The following CDH8 variants were observed in gnomAD, a reference collection of about 807,000 sequenced individuals.
CDH8 encodes cadherin 8.
CDH8 carries 17 observed loss-of-function variants against 68.1 expected under a neutral mutation model. That is an observed-to-expected ratio of 0.25 (90% CI 0.17 to 0.37). The LOEUF (loss-of-function observed/expected upper bound fraction) is 0.37. Ranked by LOEUF, CDH8 falls within the 10% of genes least tolerant of loss-of-function variation. CDH8 has a pLI of 1.00. For missense variants in CDH8, 763 were observed against 999.3 expected, an observed-to-expected ratio of 0.76 and a Z score of 3.19; for synonymous variants, 372 against 365.1, an observed-to-expected ratio of 1.02 and a Z score of -0.21.
chr16:61,992,075 T>TGTGTGTGTGTGTGTGA (rs1194559572), intron 2 of CDH8, among the ~76,000 whole-genome samples: 1 of 127,868 alleles, frequency 7.8e-6, no homozygotes, highest in Non-Finnish European at 1.7e-5. Context: ...TGTGTGTGTG[T>TGTGTGTGTGTGTGTGA]GTGAGAGAGA....
At chr16:61,740,750 C>A (rs553805841) in intron 8 of CDH8, among the ~76,000 whole-genome samples, 1 of 152,150 alleles carries the variant, frequency 6.6e-6, no homozygotes, top group African/African-American at 2.4e-5. Flanking sequence ...GGAAAGAATT[C>A]CATTGTATGA....
chr16:62,028,447 G>T (rs1902247591), intron 1 of CDH8, among the ~76,000 whole-genome samples: 1 of 151,822 alleles, frequency 6.6e-6, no homozygotes. Flanking sequence ...TTCTATAATT[G>T]CTGGTTTCCT....
At chr16:61,751,917 T>C (rs1479033258) in intron 8 of CDH8, among the ~76,000 whole-genome samples, 1 of 152,156 alleles carries the variant, frequency 6.6e-6, no homozygotes, top group African/African-American at 2.4e-5. Flanking sequence ...AATTTATTCC[T>C]GGATTACCTA....
intron 8 of CDH8, among the ~76,000 whole-genome samples, chr16:61,783,866 C>G (rs1961157107): frequency 6.6e-6 from 1 of 152,144 alleles, no homozygotes; most frequent in Non-Finnish European, 1.5e-5. Flanking sequence ...AAATAAAATA[C>G]TTTACAGACA....
At chr16:61,677,038 T>C (rs1017123492) in intron 10 of CDH8, among the ~76,000 whole-genome samples, 2 of 152,006 alleles carry the variant, frequency 1.3e-5, no homozygotes, top group Admixed American at 1.3e-4. Context: ...AGATGGCTTT[T>C]TATAAACCTT....
intron 7 of CDH8, among the ~76,000 whole-genome samples, chr16:61,811,701 T>C (rs1486734655): frequency 2.0e-5 from 3 of 152,210 alleles, no homozygotes; most frequent in Non-Finnish European, 4.4e-5. Flanking sequence ...TGAAACACTA[T>C]TCAATGTGTT....
rs1344378160 is a variant in CDH8, at chr16:61,960,076, T to C, written c.253-58603A>G. Among the ~76,000 whole-genome samples, 10 of 132,650 alleles carry C rather than the reference T, an allele frequency of 7.5e-5. 2 individuals carry two copies. The highest frequency in any genetic ancestry group is 1.4e-4 in the African/African-American group (5 of 35,216). 87.0% of individuals were successfully genotyped at this position (132,650 alleles called of 152,430 possible). On this transcript the variant is annotated intron_variant, in intron 2 of 11. Transcript: ENST00000577390. ...GTATGTGTGTGTGTATACACATACA[T>C]ATATACATATATGTGTGTGTGTATA...
intron 3 of CDH8, among the ~76,000 whole-genome samples, chr16:61,865,020 C>T (rs1463553161): frequency 3.3e-5 from 5 of 152,144 alleles, no homozygotes; most frequent in Non-Finnish European, 7.3e-5. Context: ...GATTAGTTCC[C>T]TATCTTTCTT....
At chr16:61,909,489 C>T (rs1039068541) in intron 2 of CDH8, among the ~76,000 whole-genome samples, 4 of 152,140 alleles carry the variant, frequency 2.6e-5, no homozygotes, top group Non-Finnish European at 5.9e-5. Context: ...TACCCTACAC[C>T]TTGTCGGTGA....
intron 8 of CDH8, among the ~76,000 whole-genome samples, chr16:61,782,600 G>T (rs530408148): frequency 6.6e-6 from 1 of 151,690 alleles, no homozygotes; most frequent in African/African-American, 2.4e-5. Context: ...GCTCAAGGAG[G>T]CCTGCCTGCC....
At chr16:62,035,231 G>C (rs1387078458) in intron 1 of CDH8, 1 of 152,304 alleles carries the variant, frequency 6.6e-6, no homozygotes, top group Admixed American at 6.5e-5. Context: ...TCCTGCGAGG[G>C]GCGCGACCAG....
intron 8 of CDH8, among the ~76,000 whole-genome samples, chr16:61,779,425 ATGTGTGTGTGTGTGTGTG>A (rs10539934): frequency 7.2e-6 from 1 of 139,032 alleles, no homozygotes; most frequent in African/African-American, 2.7e-5. Flanking sequence ...ATGTTCGTTT[ATGTGTGTGTGTGTGTGTG>A]TGTGTGTGTG....
At chr16:61,852,116 AAG>A (rs1160599297) in intron 4 of CDH8, among the ~76,000 whole-genome samples, 2 of 152,130 alleles carry the variant, frequency 1.3e-5, no homozygotes, top group Non-Finnish European at 2.9e-5. Context: ...GCACAATGGC[AAG>A]AACATAGTAA....
chr16:61,783,859 T>C (rs1961157002), intron 8 of CDH8, among the ~76,000 whole-genome samples: 1 of 152,038 alleles, frequency 6.6e-6, no homozygotes, highest in Admixed American at 6.6e-5. Context: ...GAAGGAGAAA[T>C]AAAATACTTT....
intron 7 of CDH8, among the ~76,000 whole-genome samples, chr16:61,809,356 G>A (rs1442800387): frequency 6.6e-6 from 1 of 152,126 alleles, no homozygotes. Context: ...TTTCCTGCAT[G>A]TTCTCACTCA....
At chr16:61,912,010 G>A (rs1964170355) in intron 2 of CDH8, among the ~76,000 whole-genome samples, 1 of 151,960 alleles carries the variant, frequency 6.6e-6, no homozygotes, top group African/African-American at 2.4e-5. Context: ...GTACTAATAG[G>A]AGCTGAAAAT....
chr16:61,841,539 A>T (rs1359773997), intron 4 of CDH8, among the ~76,000 whole-genome samples: 1 of 152,162 alleles, frequency 6.6e-6, no homozygotes, highest in Admixed American at 6.6e-5. Context: ...GGGGCTGGGG[A>T]GGGAGTGGGG....
intron 8 of CDH8, among the ~76,000 whole-genome samples, chr16:61,760,108 G>A (rs1031794331): frequency 2.0e-5 from 3 of 152,016 alleles, no homozygotes; most frequent in Non-Finnish European, 4.4e-5. Context: ...AGCCACATGG[G>A]TCTTCCAGCC....
At chr16:61,793,362 C>T (rs1961423420) in intron 7 of CDH8, among the ~76,000 whole-genome samples, 2 of 151,906 alleles carry the variant, frequency 1.3e-5, no homozygotes, top group Non-Finnish European at 2.9e-5. Context: ...TCACCCAGGT[C>T]TTAAGCCTAG....
Sources: gnomAD v4.1 joint callset for allele counts (sites outside exome capture counted in the v4.1 genomes callset) on GRCh38, gnomAD v4.1.1 for gene constraint, MANE v1.5 for transcripts, NCBI Gene and HGNC (gene_info 2026-07-23, HGNC 2026-07-21) for gene names.